CCDC175: variants seen among roughly 807,000 people sequenced by gnomAD.
CCDC175 encodes coiled-coil domain containing 175.
Under a neutral mutation model 114.6 loss-of-function variants are expected in CCDC175, and 100 were observed. The ratio of observed to expected loss-of-function variants is 0.87; its 90% CI spans 0.74 to 1.03. CCDC175 has a LOEUF of 1.03. Ranked by LOEUF, CCDC175 falls within the 50% of genes least tolerant of loss-of-function variation. The pLI, the probability that CCDC175 is intolerant of heterozygous loss-of-function variation, is 0.00. For missense variants in CCDC175, 880 were observed against 917.8 expected, an observed-to-expected ratio of 0.96 and a Z score of 0.53; for synonymous variants, 306 against 308.7, an observed-to-expected ratio of 0.99 and a Z score of 0.09.
chr14:59,546,916 T>A (rs1394506974), intron 8 of CCDC175, among the ~76,000 whole-genome samples: 1 of 151,990 alleles, frequency 6.6e-6, no homozygotes, highest in Non-Finnish European at 1.5e-5. Context: ...AACATTTGAG[T>A]AAAATCAATA....
chr14:59,511,069 G>A (rs1892711656), intron 18 of CCDC175, among the ~76,000 whole-genome samples: 1 of 152,158 alleles, frequency 6.6e-6, no homozygotes, highest in Non-Finnish European at 1.5e-5. Context: ...GGTGGTGGCA[G>A]CATAAAAAGC....
At chr14:59,524,246 T>C (rs1472442954) in intron 16 of CCDC175, among the ~76,000 whole-genome samples, 2 of 152,156 alleles carry the variant, frequency 1.3e-5, no homozygotes, top group Non-Finnish European at 2.9e-5. Context: ...GCAACAGTTC[T>C]GGGCATTAAA....
At chr14:59,551,894 A>C (rs1021387477) in intron 7 of CCDC175, among the ~76,000 whole-genome samples, 14 of 152,246 alleles carry the variant, frequency 9.2e-5, no homozygotes, top group African/African-American at 3.1e-4. Context: ...CTGAGATCCA[A>C]CTGCAAGGCA....
intron 17 of CCDC175, among the ~76,000 whole-genome samples, chr14:59,517,520 C>G (rs922262527): frequency 6.6e-6 from 1 of 152,126 alleles, no homozygotes; most frequent in Non-Finnish European, 1.5e-5. Context: ...TTCTTATACA[C>G]CAATAACAGA....
intron 14 of CCDC175, 140 bp downstream of exon 14, chr14:59,531,632 G>A (rs1395965542): frequency 3.8e-6 from 2 of 533,202 alleles, no homozygotes; most frequent in Non-Finnish European, 6.3e-6. Context: ...GCAAAAACTA[G>A]AGAACAGAGG....
intron 11 of CCDC175, among the ~76,000 whole-genome samples, chr14:59,540,019 C>G (rs977374): frequency 0.42 from 63,477 of 151,782 alleles, 14,255 homozygotes; most frequent in African/African-American, 0.58. Context: ...TGCAGTGTGC[C>G]GAGATGGCAC....
At chr14:59,527,234 A>G in intron 14 of CCDC175, 60 bp from the exon 15 acceptor site, 1 of 871,408 alleles carries the variant, frequency 1.1e-6, no homozygotes, top group East Asian at 2.8e-5. Context: ...TATTAATCAA[A>G]GAAGTACCTA....
At chr14:59,511,696 G>C in intron 18 of CCDC175, 64 bp downstream of exon 18, 2 of 1,313,332 alleles carry the variant, frequency 1.5e-6, no homozygotes, top group Non-Finnish European at 1.1e-6. Context: ...ACACTTATTA[G>C]GTAGGTAAAC....
Position 59,554,210 on chromosome 14 carries a change from T to A in CCDC175, c.954-2774A>T, listed in dbSNP as rs570454970. Among the ~76,000 whole-genome samples the A allele has an allele frequency of 1.1e-4, 17 of 152,310 alleles. No homozygotes were observed. The East Asian group carries it at 3.3e-3, about 29-fold the overall frequency. Reference sequence around the variant, plus strand: ...CTTATTCCAAAATTGACCACATAGTTAGAACTAAAGCAATCTTCAGCAAAT... The same window carrying A: ...CTTATTCCAAAATTGACCACATAGTAAGAACTAAAGCAATCTTCAGCAAAT... On this transcript the variant is annotated intron_variant, in intron 7 of 19. Transcript: ENST00000537690.
intron 17 of CCDC175, among the ~76,000 whole-genome samples, chr14:59,512,820 G>A (rs2139957049): frequency 6.8e-6 from 1 of 148,070 alleles, no homozygotes; most frequent in African/African-American, 2.6e-5. Context: ...GTGTGTGTGT[G>A]TGTGTGTGTG....
At chr14:59,527,698 T>C (rs189902746) in intron 14 of CCDC175, among the ~76,000 whole-genome samples, 1 of 140,036 alleles carries the variant, frequency 7.1e-6, no homozygotes, top group East Asian at 2.0e-4. Flanking sequence ...TTCATGTACA[T>C]ATAATTAATT....
rs889493533 is a variant in CCDC175, at chr14:59,568,378, A to T, written c.358T>A (p.Cys120Ser). The T allele has an allele frequency of 6.6e-7, 1 of 1,509,026 alleles. No homozygotes were observed. The highest frequency in any genetic ancestry group is 2.5e-5 in the East Asian group (1 of 39,580). The allele number at this position is 1,509,026 out of a possible 1,614,324, so 93.5% of individuals were successfully genotyped here. A position where few individuals can be genotyped will look rare whatever the true frequency, so the allele number is the denominator to read the frequency against. ...TTTAATCTGCGAGCGTCTCGGACAC[A>T]TTCTTCAAAGTAAGTGGAAATATTA... ...PNSIKRELEECVRDARRLNLF... is the reference protein window; with the variant it reads ...PNSIKRELEESVRDARRLNLF... The change falls in exon 4 of 20, where the codon TGT becomes AGT. Residue 120 changes from cysteine to serine, a missense_variant and splice_region_variant. By Grantham distance (112) the Cys-to-Ser change is moderately radical. Transcript: ENST00000537690.
chr14:59,576,616 T>A lies in CCDC175; in HGVS notation c.157+3A>T. On this transcript the variant is annotated splice_donor_region_variant and intron_variant, in intron 1 of 19. Transcript: ENST00000537690. ...CCCTTCCAGCGCCCGAGGGGCGTCT[T>A]ACCCACAACAAACAGCTGCTCCAGC... The A allele has an allele frequency of 6.9e-7, 1 of 1,451,508 alleles. No homozygotes were observed. Among genetic ancestry groups the A allele is most frequent in the Non-Finnish European group, 9.0e-7 (1 of 1,110,660 alleles). 89.9% of individuals were successfully genotyped at this position (1,451,508 alleles called of 1,614,324 possible). A position where few individuals can be genotyped will look rare whatever the true frequency, so the allele number is the denominator to read the frequency against.
Position 59,543,438 on chromosome 14 carries a change from T to C in CCDC175, c.1189A>G (p.Thr397Ala), listed in dbSNP as rs1894907577. The C allele has an allele frequency of 1.4e-6, 2 of 1,402,756 alleles. No individual in the cohort carries two copies. Among genetic ancestry groups the C allele is most frequent in the Non-Finnish European group, 1.9e-6 (2 of 1,055,640 alleles). The allele number at this position is 1,402,756 out of a possible 1,614,324, so 86.9% of individuals were successfully genotyped here. A position where few individuals can be genotyped will look rare whatever the true frequency, so the allele number is the denominator to read the frequency against. The change falls in exon 10 of 20, where the codon ACA becomes GCA. Residue 397 changes from threonine (T) to alanine (A), a missense_variant. Physicochemically the swap from Thr to Ala is moderately conservative, Grantham distance 58. Transcript: ENST00000537690. The stretch of plus-strand genomic sequence containing the variant: ...AAGTATTCTTTCTGAGAAATAAATG[T>C]CAGCTGTTTCTGATTTCTATCATGA... ...KIHDENQKQL[T>A]FISQKEYFLS...
chr14:59,561,348 C>T (rs1045816489), intron 6 of CCDC175, 120 bp from the exon 7 acceptor site: 5 of 476,706 alleles, frequency 1.0e-5, no homozygotes, highest in Non-Finnish European at 1.9e-5. Context: ...GAGTGTACTT[C>T]AAGGAAAAAA....
At chr14:59,549,748 A>G (rs1895350215) in intron 8 of CCDC175, among the ~76,000 whole-genome samples, 1 of 151,438 alleles carries the variant, frequency 6.6e-6, no homozygotes, top group African/African-American at 2.4e-5. Flanking sequence ...AAAAAGAAAA[A>G]AAAGAAAGAA....
chr14:59,513,011 T>C (rs1181190382), intron 17 of CCDC175, among the ~76,000 whole-genome samples: 1 of 152,166 alleles, frequency 6.6e-6, no homozygotes, highest in African/African-American at 2.4e-5. Context: ...AAGTTAGGCA[T>C]TTAGAATAAA....
intron 8 of CCDC175, among the ~76,000 whole-genome samples, chr14:59,549,574 G>T (rs1361410486): frequency 6.6e-6 from 1 of 151,828 alleles, no homozygotes; most frequent in Non-Finnish European, 1.5e-5. Context: ...ACAAAAATTA[G>T]CCAGGTGTCA....
chr14:59,514,549 T>A (rs896669043), intron 17 of CCDC175, among the ~76,000 whole-genome samples: 2 of 152,096 alleles, frequency 1.3e-5, no homozygotes, highest in African/African-American at 4.8e-5. Flanking sequence ...TTAGATCAAC[T>A]GGAAGAAAGG....
Sources: allele counts gnomAD v4.1 joint callset (sites outside exome capture counted in the v4.1 genomes callset), GRCh38; gene constraint gnomAD v4.1.1; transcripts MANE v1.5; gene names NCBI Gene and HGNC (gene_info 2026-07-23, HGNC 2026-07-21).